Variants in KIF23 observed in about 807,000 individuals in gnomAD.
KIF23 encodes kinesin family member 23.
In KIF23, 30 loss-of-function variants were observed where a neutral mutation model predicts 137.5. The observed-to-expected ratio is 0.22, with a 90% CI of 0.16 to 0.30. The LOEUF is 0.30. KIF23 is among the 10% of genes least tolerant of loss of function. The pLI is 1.00. For synonymous variants in KIF23, 367 were observed against 391.1 expected, an observed-to-expected ratio of 0.94 and a Z score of 0.73; for missense variants, 920 against 1,194.3, an observed-to-expected ratio of 0.77 and a Z score of 3.38.
chr15:69,416,227 G>A (rs1372040996), intron 2 of KIF23, among the ~76,000 whole-genome samples, 164 bp downstream of exon 2: 1 of 152,194 alleles, frequency 6.6e-6, no homozygotes, highest in Non-Finnish European at 1.5e-5. Context: ...ACTAGTGCTA[G>A]CTGTGAAATT....
intron 11 of KIF23, chr15:69,435,046 G>A (rs1228041001): frequency 9.1e-6 from 5 of 552,266 alleles, no homozygotes; most frequent in Non-Finnish European, 1.6e-5. Context: ...GGTCCCCATA[G>A]TTCCTCCCCA....
At chr15:69,424,138 G>A (rs538065090) in intron 7 of KIF23, among the ~76,000 whole-genome samples, 1 of 152,256 alleles carries the variant, frequency 6.6e-6, no homozygotes, top group African/African-American at 2.4e-5. Flanking sequence ...ATACATACCA[G>A]TATATCCACT....
chr15:69,421,597 C>T, intron 3 of KIF23, 50 bp from the exon 4 acceptor site: 2 of 1,112,952 alleles, frequency 1.8e-6, no homozygotes, highest in Non-Finnish European at 2.7e-6. Flanking sequence ...GTATTTTTAG[C>T]CTAGATAATA....
chr15:69,442,112 TTA>T (rs2057636302), intron 19 of KIF23, among the ~76,000 whole-genome samples: 2 of 152,314 alleles, frequency 1.3e-5, no homozygotes, highest in African/African-American at 4.8e-5. Flanking sequence ...CATATCATGA[TTA>T]TGTCTTTCAT....
intron 14 of KIF23, 72 bp from the exon 15 acceptor site, chr15:69,436,492 A>G (rs1343495551): frequency 7.5e-6 from 10 of 1,331,802 alleles, no homozygotes; most frequent in Non-Finnish European, 8.3e-6. Flanking sequence ...GGCTGTATGC[A>G]GTGTTAAACT....
In KIF23 at chr15:69,417,497, G is replaced by A; in HGVS notation, c.196G>A (p.Gly66Arg). The A allele has an allele frequency of 6.2e-7, 1 of 1,613,350 alleles. No homozygotes were observed. The highest frequency in any genetic ancestry group is 8.5e-7 in the Non-Finnish European group (1 of 1,179,712). ...TGAGGGCTACAGACTCAACCGAAATGGAGACTATAAGGAGGTAATTCTGAT... is the reference window on the plus strand; with the variant it reads ...TGAGGGCTACAGACTCAACCGAAATAGAGACTATAAGGAGGTAATTCTGAT... ...TPEGYRLNRN[G>R]DYKETQYSFK... is the part of the protein sequence containing the mutation. Residue 66 changes from glycine (G) to arginine (R), a missense_variant, in exon 3 of 24, where the codon GGA (glycine) becomes AGA (arginine). Physicochemically the swap from Gly to Arg is moderately radical, Grantham distance 125. Coordinates refer to ENST00000679126, the MANE Select transcript of KIF23 (RefSeq NM_001367805.3).
chr15:69,437,456 C>CTTTTT (rs772460557), intron 15 of KIF23, among the ~76,000 whole-genome samples: 3 of 120,560 alleles, frequency 2.5e-5, no homozygotes, highest in Non-Finnish European at 5.2e-5. Context: ...AATGTATCTA[C>CTTTTT]TTTTTTTTTT....
At chr15:69,426,686 G>GT (rs1328758708) in intron 10 of KIF23, 3 of 487,520 alleles carry the variant, frequency 6.2e-6, no homozygotes, top group Non-Finnish European at 1.1e-5. Flanking sequence ...CGCCACTGTA[G>GT]TCCAGCCTGG....
Position 69,426,425 on chromosome 15 carries a change from C to G in KIF23, c.979C>G (p.Pro327Ala). 1 of 1,614,068 alleles carries G rather than the reference C, an allele frequency of 6.2e-7. No homozygotes were observed. The highest frequency in any genetic ancestry group is 8.5e-7 in the Non-Finnish European group (1 of 1,179,964). The change falls in exon 10 of 24, where the codon CCC (proline) becomes GCC (alanine). Residue 327 changes from proline (P) to alanine (A), a missense_variant. This residue lies in a region of KIF23 where 714 missense variants were observed against 866.2 expected (regional missense o/e 0.82). Coordinates refer to ENST00000679126, the MANE Select transcript of KIF23 (RefSeq NM_001367805.3). ...GTTCAACATTAAATTAGTTCAGGCT[C>G]CCTTGGATGCAGATGGAGACAATGT... ...SVFNIKLVQA[P>A]LDADGDNVLQ...
Position 69,440,872 on chromosome 15 carries a change from C to G in KIF23, c.2214C>G (p.Ser738=), listed in dbSNP as rs766848487. 5.3e-5 allele frequency: 86 copies of G among 1,614,066 alleles called. No homozygotes were observed. Among genetic ancestry groups the G allele is most frequent in the Non-Finnish European group, 6.5e-5 (77 of 1,180,050 alleles). Residue 738 remains serine (S), a synonymous_variant, in exon 19 of 24, where the codon TCC becomes TCG. Coordinates refer to ENST00000679126, the MANE Select transcript of KIF23 (RefSeq NM_001367805.3). The part of the protein sequence containing the change: ...SNSCSSISVA[S]CISEWEQKIP... ...CTTGCAGCAGCATTTCTGTAGCTTC[C>G]TGTATTTCGGAATGGGAGCAGAAAA...
At chr15:69,440,180 G>A (rs2057580432) in intron 17 of KIF23, 103 bp downstream of exon 17, 18 of 1,498,140 alleles carry the variant, frequency 1.2e-5, no homozygotes, top group African/African-American at 2.8e-5. Flanking sequence ...TAGGGTTTTG[G>A]TGGTGGTTGT....
rs936947865 is a variant in KIF23 at position 69,442,392 on chromosome 15, C to T, written c.2421+1313C>T. ...AATAAATGGACCAAGTTAATGTTTG[C>T]GAATTTTATATTTAGTAAAATCTTC... On this transcript the variant is annotated intron_variant, in intron 19 of 23. Transcript: ENST00000679126. Among the ~76,000 whole-genome samples the T allele has an allele frequency of 6.6e-5, 10 of 152,178 alleles. No individual in the cohort carries two copies. In the South Asian group the frequency reaches 1.7e-3, roughly 25 times the overall value.
chr15:69,446,176 G>C (rs568185175), intron 21 of KIF23, 85 bp downstream of exon 21: 13 of 1,435,392 alleles, frequency 9.1e-6, no homozygotes, highest in Admixed American at 6.7e-5. Context: ...CCTGTGAAAT[G>C]TATCATTAAT....
intron 19 of KIF23, among the ~76,000 whole-genome samples, chr15:69,441,668 T>G (rs1567079065): frequency 6.7e-6 from 1 of 149,058 alleles, no homozygotes. Context: ...ATAAGGACAT[T>G]GTACTACCTA....
In KIF23 at chr15:69,444,847, C is replaced by T. The variant is rs767357305; in HGVS notation, c.2479C>T (p.Arg827Cys). 9.3e-6 allele frequency: 15 copies of T among 1,614,048 alleles called. No individual in the cohort carries two copies. The highest frequency in any genetic ancestry group is 2.2e-5 in the East Asian group (1 of 44,904). The change falls in exon 20 of 24, where the codon CGC becomes TGC. Residue 827 changes from arginine to cysteine, a missense_variant. Arg to Cys is a radical substitution (Grantham distance 180). Coordinates refer to ENST00000679126, the MANE Select transcript of KIF23 (RefSeq NM_001367805.3). The surrounding 1 kb of genome is among the most constrained non-coding windows in gnomAD (Gnocchi z 4.2). ...PPIRLRHRRS[R>C]SAGDRWVDHK... ...AATTCGTCTCCGACACAGACGATCA[C>T]GCTCTGCAGGAGACAGATGGGTAGA...
At chr15:69,434,623 G>C in intron 11 of KIF23, 1 of 1,402,140 alleles carries the variant, frequency 7.1e-7, no homozygotes, top group Non-Finnish European at 1.0e-6. Context: ...CATAGTTGAT[G>C]ATGTAGGGGA....
chr15:69,426,375 G>C lies in KIF23; in HGVS notation c.929G>C (p.Arg310Pro). 1 of 1,614,052 alleles carries C rather than the reference G, an allele frequency of 6.2e-7. No individual in the cohort carries two copies. Among genetic ancestry groups the C allele is most frequent in the Non-Finnish European group, 8.5e-7 (1 of 1,179,972 alleles). Residue 310 changes from arginine (R) to proline (P), a missense_variant, in exon 10 of 24, where the codon CGT becomes CCT. This residue lies in a region of KIF23 where 714 missense variants were observed against 866.2 expected (regional missense o/e 0.82). Coordinates refer to ENST00000679126, the MANE Select transcript of KIF23 (RefSeq NM_001367805.3). Reference protein sequence around the residue: ...KRRIANTHLNRESSRSHSVFN... With the variant: ...KRRIANTHLNPESSRSHSVFN... Reference sequence around the variant, plus strand: ...CGTATTGCTAATACCCATTTGAATCGTGAGTCCAGCCGTTCCCATAGCGTG... The same window carrying C: ...CGTATTGCTAATACCCATTTGAATCCTGAGTCCAGCCGTTCCCATAGCGTG...
intron 14 of KIF23, 96 bp from the exon 15 acceptor site, chr15:69,436,468 G>T (rs1457403333): frequency 8.4e-7 from 1 of 1,197,078 alleles, no homozygotes; most frequent in African/African-American, 1.5e-5. Flanking sequence ...AATTGCAATG[G>T]TTAGTTGCAC....
chr15:69,429,267 C>T (rs2140352838), intron 11 of KIF23, 54 bp downstream of exon 11: 1 of 1,217,510 alleles, frequency 8.2e-7, no homozygotes, highest in South Asian at 1.3e-5. Flanking sequence ...ACTTGCAATG[C>T]CAGTTTATTA....
Sources: gnomAD v4.1 joint callset for allele counts (sites outside exome capture counted in the v4.1 genomes callset) on GRCh38, gnomAD v4.1.1 for gene constraint, gnomAD v4.1.1 regional missense constraint, Gnocchi (gnomAD v3.1) non-coding constraint, MANE v1.5 for transcripts, NCBI Gene and HGNC (gene_info 2026-07-23, HGNC 2026-07-21) for gene names.